The following MCM5 variants were observed in gnomAD, a reference collection of about 807,000 sequenced individuals.
The protein encoded by MCM5 is minichromosome maintenance complex component 5, also known as DNA replication licensing factor MCM5.
In MCM5, 46 loss-of-function variants were observed where a neutral mutation model predicts 79.9. The observed-to-expected ratio is 0.58, with a 90% confidence interval of 0.45 to 0.74. The LOEUF (loss-of-function observed/expected upper bound fraction) is 0.74, where lower values mean the gene tolerates loss of function less well. Ranked by LOEUF, MCM5 falls within the 30% of genes least tolerant of loss-of-function variation. The probability of loss-of-function intolerance (pLI) is 0.00; values close to 1 mark genes in which losing one functional copy is unlikely to be tolerated. For missense variants in MCM5, 883 were observed against 1,017.0 expected, an observed-to-expected ratio of 0.87 and a Z score of 1.79; for synonymous variants, 404 against 390.5, an observed-to-expected ratio of 1.03 and a Z score of -0.41.
At position 35,408,283 on chromosome 22, in the gene MCM5, G is replaced by A. The variant is rs190691748; in HGVS notation, c.597-125G>A. 8 of 822,970 alleles carry A rather than the reference G, an allele frequency of 9.7e-6. No individual in the cohort carries two copies. The Admixed American group carries it at 2.0e-4, about 21-fold the overall frequency. The allele number at this position is 822,970 out of a possible 1,614,324, so 51.0% of individuals were successfully genotyped here. A position where few individuals can be genotyped will look rare whatever the true frequency, so the allele number is the denominator to read the frequency against. On this transcript the variant is annotated intron_variant, in intron 5 of 16. Coordinates refer to ENST00000216122, the MANE Select transcript of MCM5 (RefSeq NM_006739.4). ...GCGTTGCCTGCCTGGCTTATCTCCA[G>A]CTTATTCTGGAGACCCCCATAAATT...
chr22:35,452,415 G>A, the MCM5 span, among the ~76,000 whole-genome samples: 1 of 152,198 alleles, frequency 6.6e-6, no homozygotes, highest in Non-Finnish European at 1.5e-5. Flanking sequence ...CTGGCTTCCT[G>A]GTCGGCCACT....
At position 35,403,228 on chromosome 22, in the gene MCM5, C is replaced by T. The variant is rs770611705; in HGVS notation, c.189C>T (p.Tyr63=). The change falls in exon 3 of 17, where the codon TAC becomes TAT. Residue 63 remains tyrosine, a synonymous_variant. Transcript: ENST00000216122. The part of the protein sequence containing the change: ...FKYRDELKRH[Y]NLGEYWIEVE... The stretch of plus-strand genomic sequence containing the variant: ...CCAGGGATGAACTCAAGCGGCATTA[C>T]AACCTGGGGGAGTACTGGATTGAGG... 1 of 1,614,128 alleles carries T rather than the reference C, an allele frequency of 6.2e-7. No homozygotes were observed. The highest frequency in any genetic ancestry group is 8.5e-7 in the Non-Finnish European group (1 of 1,180,028).
chr22:35,427,930 T>TGTGGA (rs2145807984), downstream of MCM5, among the ~76,000 whole-genome samples: 1 of 151,940 alleles, frequency 6.6e-6, no homozygotes, highest in South Asian at 2.1e-4. Flanking sequence ...ATCCCAGCAC[T>TGTGGA]TTAGGAGGCT....
At position 35,419,992 on chromosome 22, in the gene MCM5, C is replaced by T; in HGVS notation, c.1812C>T (p.Ser604=). The T allele has an allele frequency of 1.2e-6, 2 of 1,612,132 alleles. No homozygotes were observed. Among genetic ancestry groups the T allele is most frequent in the East Asian group, 2.2e-5 (1 of 44,792 alleles). ...RQHERDSDRR[S]SIPITVRQLE... Reference sequence around the variant, plus strand: ...ACGAGAGGGACAGTGACCGCCGCTCCAGCATCCCCATCACTGTGCGGTGAG... The same window carrying T: ...ACGAGAGGGACAGTGACCGCCGCTCTAGCATCCCCATCACTGTGCGGTGAG... Residue 604 remains serine, a synonymous_variant, in exon 14 of 17, where the codon TCC becomes TCT. Transcript: ENST00000216122.
At chr22:35,434,520 A>G in the MCM5 span, among the ~76,000 whole-genome samples, 2 of 152,132 alleles carry the variant, frequency 1.3e-5, no homozygotes, top group Non-Finnish European at 2.9e-5. Context: ...GGCCAGAGAG[A>G]TGAGATGCCA....
the MCM5 span, among the ~76,000 whole-genome samples, chr22:35,445,306 T>A: frequency 6.7e-6 from 1 of 149,544 alleles, no homozygotes; most frequent in Non-Finnish European, 1.5e-5. Flanking sequence ...GTAACCTGTG[T>A]TAGATGCATT....
At position 35,421,324 on chromosome 22, in the gene MCM5, G is replaced by A; in HGVS notation, c.1839G>A (p.Leu613=). 1 of 1,612,554 alleles carries A rather than the reference G, an allele frequency of 6.2e-7. No individual in the cohort carries two copies. The highest frequency in any genetic ancestry group is 8.5e-7 in the Non-Finnish European group (1 of 1,179,472). The part of the protein sequence containing the change: ...RSSIPITVRQ[L]EAIVRIAEAL... Reference sequence around the variant, plus strand: ...CACGCTGTTGCCCCCACAGGCAGCTGGAGGCCATTGTGCGCATCGCGGAAG... The same window carrying A: ...CACGCTGTTGCCCCCACAGGCAGCTAGAGGCCATTGTGCGCATCGCGGAAG... The change falls in exon 15 of 17, where the codon CTG becomes CTA. Residue 613 remains leucine (L), a synonymous_variant. Transcript: ENST00000216122.
intron 16 of MCM5, chr22:35,423,604 C>G (rs1278800228): frequency 3.1e-6 from 1 of 321,104 alleles, no homozygotes; most frequent in Non-Finnish European, 5.7e-6. Flanking sequence ...AAACCCCATA[C>G]AAGTTCCCCG....
intron 2 of MCM5, among the ~76,000 whole-genome samples, chr22:35,401,017 G>T (rs894947973): frequency 1.3e-5 from 2 of 151,986 alleles, no homozygotes; most frequent in African/African-American, 4.8e-5. Context: ...ATGGGGTTTC[G>T]CCATGTTCGC....
At chr22:35,438,258 CCCA>C in the MCM5 span, among the ~76,000 whole-genome samples, 3 of 93,988 alleles carry the variant, frequency 3.2e-5, no homozygotes, top group African/African-American at 8.0e-5. Context: ...CATCCACCCA[CCCA>C]CCCACCCACC....
intron 14 of MCM5, among the ~76,000 whole-genome samples, chr22:35,420,258 A>G (rs970511585): frequency 1.1e-4 from 16 of 152,138 alleles, no homozygotes; most frequent in Admixed American, 3.9e-4. Flanking sequence ...GGCTTCTCCC[A>G]TTGTAGGAAG....
At chr22:35,410,655 C>G in intron 6 of MCM5, 89 bp from the exon 7 acceptor site, 2 of 1,313,942 alleles carry the variant, frequency 1.5e-6, no homozygotes, top group East Asian at 4.6e-5. Context: ...GCAGTGGACC[C>G]TGCGTGTCCT....
chr22:35,402,324 G>GT (rs1380380102), intron 2 of MCM5, among the ~76,000 whole-genome samples: 2 of 149,898 alleles, frequency 1.3e-5, no homozygotes, highest in African/African-American at 4.9e-5. Flanking sequence ...TTGTTGTTTT[G>GT]TTTTTTGTTT....
intron 8 of MCM5, among the ~76,000 whole-genome samples, chr22:35,413,522 C>A (rs1313744345): frequency 6.6e-6 from 1 of 152,208 alleles, no homozygotes; most frequent in African/African-American, 2.4e-5. Flanking sequence ...GGTGCTTGTT[C>A]TGCCGCACCG....
At chr22:35,418,610 A>T (rs1932608818) in intron 13 of MCM5, among the ~76,000 whole-genome samples, 1 of 151,904 alleles carries the variant, frequency 6.6e-6, no homozygotes. Flanking sequence ...CAGTGAGCTG[A>T]GATCGTGCCA....
chr22:35,416,870 A>T, intron 12 of MCM5, 56 bp downstream of exon 12: 1 of 1,582,876 alleles, frequency 6.3e-7, no homozygotes, highest in Middle Eastern at 2.2e-4. Flanking sequence ...CAGGCTTGTG[A>T]TTGTGTGGGA....
intron 16 of MCM5, chr22:35,423,907 A>C: frequency 2.1e-6 from 1 of 484,502 alleles, no homozygotes. Context: ...AGAAAGGTTT[A>C]GAGCTTCGGT....
chr22:35,424,277 C>CA lies in MCM5; in HGVS notation c.*23dup. 1 of 1,507,998 alleles carries CA rather than the reference C, an allele frequency of 6.6e-7. No homozygotes were observed. The highest frequency in any genetic ancestry group is 9.0e-7 in the Non-Finnish European group (1 of 1,114,750). The allele number at this position is 1,507,998 out of a possible 1,614,324, so 93.4% of individuals were successfully genotyped here. A position where few individuals can be genotyped will look rare whatever the true frequency, so the allele number is the denominator to read the frequency against. On this transcript the variant is annotated 3_prime_UTR_variant, in exon 17 of 17. Transcript: ENST00000216122. ...GTGAGTCGCGCCGCCTCACTGGACT[C>CA]ATGGACTCGCCCACGCCTCGCCCCT...
At chr22:35,452,514 A>T in the MCM5 span, among the ~76,000 whole-genome samples, 2 of 152,186 alleles carry the variant, frequency 1.3e-5, no homozygotes, top group Non-Finnish European at 2.9e-5. Flanking sequence ...CTCCACGGTA[A>T]AGTGACGCTA....
Sources: gnomAD v4.1 joint callset for allele counts (sites outside exome capture counted in the v4.1 genomes callset) on GRCh38, gnomAD v4.1.1 for gene constraint, MANE v1.5 for transcripts, NCBI Gene and HGNC (gene_info 2026-07-23, HGNC 2026-07-21) for gene names.